CDH4: variants seen among roughly 807,000 people sequenced by gnomAD.
CDH4 encodes cadherin-4.
A neutral mutation model predicts 86.0 loss-of-function variants in CDH4; 33 were observed. That is an observed-to-expected ratio of 0.38 (90% confidence interval 0.29 to 0.51). The LOEUF is 0.51. CDH4 is among the 20% of genes least tolerant of loss of function. CDH4 has a pLI of 0.86. For missense variants in CDH4, 1,114 were observed against 1,307.4 expected (o/e 0.85, Z 2.28); for synonymous variants, 555 against 549.4 (o/e 1.01, Z -0.14).
At chr20:61,851,671 G>A (rs545087252) in intron 5 of CDH4, among the ~76,000 whole-genome samples, 6 of 152,282 alleles carry the variant, frequency 3.9e-5, no homozygotes, top group South Asian at 2.1e-4. Flanking sequence ...GAGAGGCCTC[G>A]GATGTGCCCT....
chr20:61,816,275 A>G (rs1980709774), intron 4 of CDH4, among the ~76,000 whole-genome samples: 2 of 152,182 alleles, frequency 1.3e-5, no homozygotes, highest in Admixed American at 6.5e-5. Context: ...ACAGAGGATA[A>G]AACACACAGC....
chr20:61,648,931 C>G (rs2087092912), intron 2 of CDH4, among the ~76,000 whole-genome samples: 1 of 152,152 alleles, frequency 6.6e-6, no homozygotes. Context: ...CTGCAGGTGG[C>G]CCCACCTCGC....
intron 2 of CDH4, among the ~76,000 whole-genome samples, chr20:61,272,645 C>T (rs1208457767): frequency 1.3e-5 from 2 of 152,132 alleles, no homozygotes; most frequent in African/African-American, 4.8e-5. Flanking sequence ...TAGGGGATAC[C>T]ATGGGCAGTT....
chr20:61,480,944 A>G lies in CDH4; in HGVS notation c.169+226007A>G, dbSNP rs2085564941. On this transcript the variant is annotated intron_variant, in intron 2 of 15. Transcript: ENST00000614565. The surrounding 1 kb of genome is among the most constrained non-coding windows in gnomAD (Gnocchi z 5.2). ...ACAACTCGGATGCTACTGTTTATAAAGTGTGTCCACGTTGATGATTCTGCT... is the reference window on the plus strand; with the variant it reads ...ACAACTCGGATGCTACTGTTTATAAGGTGTGTCCACGTTGATGATTCTGCT... Among the ~76,000 whole-genome samples, 1 of 152,190 alleles carries G rather than the reference A, an allele frequency of 6.6e-6. No individual in the cohort carries two copies. Among genetic ancestry groups the G allele is most frequent in the South Asian group, 2.1e-4 (1 of 4,830 alleles).
At chr20:61,924,946 G>A (rs557176725) in intron 11 of CDH4, among the ~76,000 whole-genome samples, 49 of 152,290 alleles carry the variant, frequency 3.2e-4, no homozygotes, top group African/African-American at 7.0e-4. Context: ...CCCATCCTGC[G>A]GGGAAGGCCC....
At chr20:61,440,123 T>C (rs1406171667) in intron 2 of CDH4, among the ~76,000 whole-genome samples, 2 of 152,254 alleles carry the variant, frequency 1.3e-5, no homozygotes, top group Non-Finnish European at 2.9e-5. Context: ...ATGCCTGCGC[T>C]ATCTTCATCA....
chr20:61,527,432 TA>T (rs1328029546), intron 2 of CDH4, among the ~76,000 whole-genome samples: 5 of 152,134 alleles, frequency 3.3e-5, no homozygotes, highest in Admixed American at 1.3e-4. Flanking sequence ...GTATTTTTAG[TA>T]GAGACAGGGT....
chr20:61,514,321 CCCCA>C (rs2085802607), intron 2 of CDH4, among the ~76,000 whole-genome samples: 1 of 146,042 alleles, frequency 6.8e-6, no homozygotes, highest in African/African-American at 2.6e-5. Context: ...CCCCGCCCCC[CCCCA>C]CCCCCACCCC....
intron 2 of CDH4, among the ~76,000 whole-genome samples, chr20:61,694,179 G>A (rs1219453421): frequency 6.6e-6 from 1 of 152,138 alleles, no homozygotes; most frequent in Non-Finnish European, 1.5e-5. Context: ...ACCATGCCCA[G>A]ACCCAGACAC....
chr20:61,589,071 C>T (rs2086499255), intron 2 of CDH4, among the ~76,000 whole-genome samples: 1 of 152,222 alleles, frequency 6.6e-6, no homozygotes. Flanking sequence ...TGATTTCAGG[C>T]CACCTCTTAA....
intron 2 of CDH4, among the ~76,000 whole-genome samples, chr20:61,545,776 T>C (rs1215544425): frequency 1.3e-5 from 2 of 149,060 alleles, no homozygotes; most frequent in Non-Finnish European, 3.0e-5. Flanking sequence ...GGGTGGGGTG[T>C]GTGTGCATGT....
At chr20:61,695,249 C>T (rs2087703763) in intron 2 of CDH4, among the ~76,000 whole-genome samples, 1 of 152,268 alleles carries the variant, frequency 6.6e-6, no homozygotes, top group Non-Finnish European at 1.5e-5. Flanking sequence ...CATACCCTGC[C>T]TCTGCCGGAG....
At chr20:61,540,075 G>A (rs954638909) in intron 2 of CDH4, among the ~76,000 whole-genome samples, 7 of 152,128 alleles carry the variant, frequency 4.6e-5, no homozygotes, top group African/African-American at 1.7e-4. Flanking sequence ...AGGGTGGAGG[G>A]GGAGCAATAT....
At chr20:61,633,485 T>C (rs1449087916) in intron 2 of CDH4, among the ~76,000 whole-genome samples, 1 of 152,114 alleles carries the variant, frequency 6.6e-6, no homozygotes, top group Non-Finnish European at 1.5e-5. Context: ...ATCCTATCCA[T>C]CCACCCATGC....
rs899738496 is a variant in CDH4 at position 61,517,614 on chromosome 20, G to A, written c.170-225949G>A. ...CTCCTGACCTTGGAACTTGGCGGGTGGCTGAGCCCCTTGAGCTGCAAAGTG... is the reference window on the plus strand; with the variant it reads ...CTCCTGACCTTGGAACTTGGCGGGTAGCTGAGCCCCTTGAGCTGCAAAGTG... On this transcript the variant is annotated intron_variant, in intron 2 of 15. Transcript: ENST00000614565. This position sits in a 1 kb window ranked among gnomAD's most constrained non-coding sequence, Gnocchi z 6.6. Among the ~76,000 whole-genome samples the A allele has an allele frequency of 1.3e-5, 2 of 152,170 alleles. No homozygotes were observed. The highest frequency in any genetic ancestry group is 2.4e-5 in the African/African-American group (1 of 41,438).
chr20:61,841,877 C>T (rs1982194227), intron 4 of CDH4, among the ~76,000 whole-genome samples: 1 of 152,204 alleles, frequency 6.6e-6, no homozygotes, highest in Non-Finnish European at 1.5e-5. Flanking sequence ...ATGATGGAAA[C>T]AGCATCTCCC....
chr20:61,867,561 A>AATAG (rs56167173), intron 6 of CDH4, among the ~76,000 whole-genome samples: 1 of 142,102 alleles, frequency 7.0e-6, no homozygotes, highest in Non-Finnish European at 1.5e-5. Context: ...AAAAAAAAAA[A>AATAG]AGAGAGAGAG....
chr20:61,369,450 CAAAAAAA>C (rs144885482), intron 2 of CDH4, among the ~76,000 whole-genome samples: 8 of 56,620 alleles, frequency 1.4e-4, no homozygotes, highest in East Asian at 1.2e-3. Flanking sequence ...GACTCTGTCT[CAAAAAAA>C]AAAAAAAAAA....
chr20:61,416,358 A>G (rs778340511), intron 2 of CDH4, among the ~76,000 whole-genome samples: 8 of 152,174 alleles, frequency 5.3e-5, no homozygotes, highest in Non-Finnish European at 1.0e-4. Flanking sequence ...CATTCTGTTT[A>G]TCCCCTCATT....
Sources: allele counts gnomAD v4.1 joint callset (sites outside exome capture counted in the v4.1 genomes callset), GRCh38; gene constraint gnomAD v4.1.1; non-coding constraint Gnocchi (gnomAD v3.1); transcripts MANE v1.5; gene names NCBI Gene and HGNC (gene_info 2026-07-23, HGNC 2026-07-21).